HS6ST3: variants seen among roughly 807,000 people sequenced by gnomAD.
The protein encoded by HS6ST3 is heparan-sulfate 6-O-sulfotransferase 3.
HS6ST3 carries 12 observed loss-of-function variants against 36.7 expected under a neutral mutation model. That is an observed-to-expected ratio of 0.33 (90% CI 0.21 to 0.53). The LOEUF is 0.53. Among genes scored for constraint, HS6ST3 ranks in the 20% least tolerant of loss-of-function variants. HS6ST3 has a pLI of 0.95. For missense variants in HS6ST3, 584 were observed against 640.9 expected, an observed-to-expected ratio of 0.91 and a Z score of 0.96; for synonymous variants, 240 against 257.5, an observed-to-expected ratio of 0.93 and a Z score of 0.65.
chr13:96,503,420 G>C (rs1034925995), intron 1 of HS6ST3, among the ~76,000 whole-genome samples: 1 of 152,188 alleles, frequency 6.6e-6, no homozygotes, highest in Admixed American at 6.5e-5. Flanking sequence ...CAACACACTA[G>C]AGTATTTCAT....
chr13:96,691,557 T>C, intron 1 of HS6ST3, among the ~76,000 whole-genome samples: 1 of 152,068 alleles, frequency 6.6e-6, no homozygotes, highest in East Asian at 1.9e-4. Context: ...TCAGTTCTTC[T>C]TCTTTATTTT....
chr13:96,205,561 C>T (rs1173905625), intron 1 of HS6ST3, among the ~76,000 whole-genome samples: 25 of 152,036 alleles, frequency 1.6e-4, no homozygotes, highest in Admixed American at 1.6e-3. Context: ...TGATGAGCAT[C>T]GATACAAAAA....
intron 1 of HS6ST3, among the ~76,000 whole-genome samples, chr13:96,368,154 T>G (rs1409706517): frequency 1.3e-5 from 2 of 152,178 alleles, no homozygotes; most frequent in African/African-American, 2.4e-5. Flanking sequence ...TTTCCCTCTC[T>G]CATTGTGTGC....
chr13:96,821,766 G>A (rs1350365562), intron 1 of HS6ST3, among the ~76,000 whole-genome samples: 3 of 152,074 alleles, frequency 2.0e-5, no homozygotes, highest in African/African-American at 7.2e-5. Context: ...ATGCCAAAAT[G>A]GTTACCCAGT....
intron 1 of HS6ST3, among the ~76,000 whole-genome samples, chr13:96,711,698 T>C (rs191848894): frequency 7.2e-5 from 11 of 152,314 alleles, no homozygotes; most frequent in African/African-American, 2.6e-4. Context: ...TGCATATCCA[T>C]AGGACTTTTT....
chr13:96,628,469 C>G (rs1218355024), intron 1 of HS6ST3, among the ~76,000 whole-genome samples: 4 of 151,890 alleles, frequency 2.6e-5, no homozygotes, highest in Non-Finnish European at 5.9e-5. Context: ...AAAGAGGAGG[C>G]TATATTCTAA....
At chr13:96,795,677 G>A (rs931836729) in intron 1 of HS6ST3, among the ~76,000 whole-genome samples, 1 of 152,026 alleles carries the variant, frequency 6.6e-6, no homozygotes, top group Non-Finnish European at 1.5e-5. Context: ...CCAACTTTTT[G>A]CAAATTACTT....
At chr13:96,417,205 T>C (rs2055537952) in intron 1 of HS6ST3, among the ~76,000 whole-genome samples, 1 of 152,166 alleles carries the variant, frequency 6.6e-6, no homozygotes, top group Non-Finnish European at 1.5e-5. Flanking sequence ...TGTTGGTGTG[T>C]TTAGTGAACC....
At chr13:96,804,077 C>T (rs922701581) in intron 1 of HS6ST3, among the ~76,000 whole-genome samples, 3 of 151,538 alleles carry the variant, frequency 2.0e-5, no homozygotes, top group African/African-American at 7.3e-5. Context: ...AGCTTATAAA[C>T]TTGTACACCA....
intron 1 of HS6ST3, among the ~76,000 whole-genome samples, chr13:96,400,166 C>CACACAT (rs1243320618): frequency 6.6e-6 from 1 of 151,690 alleles, no homozygotes; most frequent in Non-Finnish European, 1.5e-5. Context: ...CACACACACA[C>CACACAT]ACACACACAC....
At chr13:96,355,613 T>C (rs1333583439) in intron 1 of HS6ST3, among the ~76,000 whole-genome samples, 2 of 152,010 alleles carry the variant, frequency 1.3e-5, no homozygotes, top group Non-Finnish European at 1.5e-5. Flanking sequence ...TTTAACTATT[T>C]TAATGCTAAA....
At chr13:96,822,620 C>T (rs1878560512) in intron 1 of HS6ST3, among the ~76,000 whole-genome samples, 2 of 152,202 alleles carry the variant, frequency 1.3e-5, no homozygotes, top group East Asian at 3.9e-4. Context: ...ATCTCTCCCT[C>T]TAGGGAAGCA....
intron 1 of HS6ST3, among the ~76,000 whole-genome samples, chr13:96,617,263 T>C (rs768230036): frequency 2.0e-5 from 3 of 152,242 alleles, no homozygotes; most frequent in Non-Finnish European, 4.4e-5. Flanking sequence ...ATTTCATTCC[T>C]TTAGTCTCTT....
At chr13:96,199,994 ATTACATCCATG>A (rs2054333334) in intron 1 of HS6ST3, among the ~76,000 whole-genome samples, 2 of 152,316 alleles carry the variant, frequency 1.3e-5, no homozygotes, top group Non-Finnish European at 2.9e-5. Flanking sequence ...CTGAAAATGA[ATTACATCCATG>A]TTTCGAGTCT....
At chr13:96,315,290 G>A (rs1014747459) in intron 1 of HS6ST3, among the ~76,000 whole-genome samples, 6 of 152,142 alleles carry the variant, frequency 3.9e-5, no homozygotes, top group Non-Finnish European at 7.4e-5. Context: ...GAAAGGGACT[G>A]TAATCATTTC....
At chr13:96,761,070 A>C (rs1012078899) in intron 1 of HS6ST3, among the ~76,000 whole-genome samples, 3 of 151,854 alleles carry the variant, frequency 2.0e-5, no homozygotes, top group African/African-American at 7.3e-5. Flanking sequence ...CCGTCTCTGG[A>C]AACTTTTAGC....
rs373287788 is a variant in HS6ST3 at position 96,092,047 on chromosome 13, C to T, written c.707+478C>T. ...GTGAAGCTGGAGACGAGTATAATCC[C>T]TCCCTAAGTGGCTTTTGGATGGCAG... On this transcript the variant is annotated intron_variant, in intron 1 of 1. Transcript: ENST00000376705. Among the ~76,000 whole-genome samples, 131 of 152,296 alleles carry T rather than the reference C, an allele frequency of 8.6e-4. 1 individual carries two copies. Among genetic ancestry groups the T allele is most frequent in the Middle Eastern group, 3.4e-3 (1 of 294 alleles).
intron 1 of HS6ST3, among the ~76,000 whole-genome samples, chr13:96,450,293 C>T (rs530712529): frequency 6.6e-6 from 1 of 152,096 alleles, no homozygotes; most frequent in South Asian, 2.1e-4. Context: ...TTTCTTTTTT[C>T]CCACTGGTAT....
At chr13:96,243,180 C>T (rs1263723049) in intron 1 of HS6ST3, among the ~76,000 whole-genome samples, 1 of 152,218 alleles carries the variant, frequency 6.6e-6, no homozygotes, top group Admixed American at 6.5e-5. Context: ...TAGTACATCT[C>T]AATTTGGACT....
Sources: allele counts gnomAD v4.1 joint callset (sites outside exome capture counted in the v4.1 genomes callset), GRCh38; gene constraint gnomAD v4.1.1; transcripts MANE v1.5; gene names NCBI Gene and HGNC (gene_info 2026-07-23, HGNC 2026-07-21).